SLCO2A1: variants seen among roughly 807,000 people sequenced by gnomAD.
SLCO2A1 encodes the protein solute carrier organic anion transporter family member 2A1.
A neutral mutation model predicts 71.7 loss-of-function variants in SLCO2A1; 60 were observed. That is an observed-to-expected ratio of 0.84 (90% confidence interval 0.68 to 1.04). The LOEUF (loss-of-function observed/expected upper bound fraction) is 1.04, where lower values mean the gene tolerates loss of function less well. SLCO2A1 is among the 50% of genes least tolerant of loss of function. SLCO2A1 has a pLI of 0.00. For synonymous variants in SLCO2A1, 308 were observed against 326.7 expected (o/e 0.94, Z 0.62); for missense variants, 745 against 813.4 (o/e 0.92, Z 1.02).
intron 1 of SLCO2A1, 91 bp from the exon 2 acceptor site, chr3:133,979,709 TCTGTTTC>T (rs1188891504): frequency 7.1e-7 from 1 of 1,403,710 alleles, no homozygotes; most frequent in East Asian, 2.3e-5. Context: ...CAGGCTGACC[TCTGTTTC>T]CTCGCCTGTT....
intron 6 of SLCO2A1, among the ~76,000 whole-genome samples, chr3:133,950,454 C>T (rs1422824844): frequency 1.3e-5 from 2 of 152,148 alleles, no homozygotes; most frequent in East Asian, 3.9e-4. Flanking sequence ...TGCCCTGTCC[C>T]AGCTCTCCGA....
intron 2 of SLCO2A1, among the ~76,000 whole-genome samples, chr3:133,976,484 G>A (rs1422790312): frequency 6.6e-6 from 1 of 152,164 alleles, no homozygotes; most frequent in African/African-American, 2.4e-5. Context: ...TTCTCTGTGG[G>A]AAGCTGAACC....
chr3:133,949,074 A>G (rs1025623765), intron 6 of SLCO2A1, 103 bp from the exon 7 acceptor site: 1 of 966,754 alleles, frequency 1.0e-6, no homozygotes, highest in Non-Finnish European at 1.6e-6. Flanking sequence ...GGCTGGGTGG[A>G]GGTGAGCCCC....
intron 1 of SLCO2A1, among the ~76,000 whole-genome samples, chr3:134,019,983 C>T (rs1044975557): frequency 6.6e-6 from 1 of 152,078 alleles, no homozygotes; most frequent in Non-Finnish European, 1.5e-5. Context: ...GACAGCCCGG[C>T]ACCATACCCT....
At chr3:134,009,605 A>C (rs1935289563) in intron 1 of SLCO2A1, among the ~76,000 whole-genome samples, 1 of 152,234 alleles carries the variant, frequency 6.6e-6, no homozygotes, top group Non-Finnish European at 1.5e-5. Flanking sequence ...ACGCCCATGA[A>C]GGGCGTAAAT....
chr3:134,025,393 A>T (rs528978653), intron 1 of SLCO2A1, among the ~76,000 whole-genome samples: 6 of 152,188 alleles, frequency 3.9e-5, no homozygotes, highest in Non-Finnish European at 8.8e-5. Context: ...CAGTTTTTAA[A>T]ATTAGATTGA....
intron 9 of SLCO2A1, among the ~76,000 whole-genome samples, chr3:133,945,569 A>G (rs1933553800): frequency 6.6e-6 from 1 of 152,122 alleles, no homozygotes. Flanking sequence ...CCACCCAGAA[A>G]GGGCAGCTGC....
At chr3:134,011,462 G>A (rs544461922) in intron 1 of SLCO2A1, among the ~76,000 whole-genome samples, 27 of 152,348 alleles carry the variant, frequency 1.8e-4, no homozygotes, top group East Asian at 9.6e-4. Context: ...TCAGCTGTGC[G>A]GAAGGCAGCG....
intron 1 of SLCO2A1, among the ~76,000 whole-genome samples, chr3:134,003,380 C>T (rs1935141783): frequency 1.3e-5 from 2 of 152,282 alleles, no homozygotes; most frequent in South Asian, 2.1e-4. Flanking sequence ...ACATAAGGAA[C>T]GGACATCTAC....
chr3:134,011,059 T>C (rs940822189), intron 1 of SLCO2A1, among the ~76,000 whole-genome samples: 1 of 152,222 alleles, frequency 6.6e-6, no homozygotes, highest in East Asian at 1.9e-4. Context: ...GTTTGTTTTT[T>C]GTTTTTGAGA....
intron 11 of SLCO2A1, among the ~76,000 whole-genome samples, chr3:133,938,962 C>T (rs879266701): frequency 6.6e-6 from 1 of 152,036 alleles, no homozygotes; most frequent in Non-Finnish European, 1.5e-5. Context: ...TGTCTTATAA[C>T]AGTAAAAGAC....
chr3:133,970,046 G>A (rs532719127), intron 3 of SLCO2A1, among the ~76,000 whole-genome samples: 12 of 152,320 alleles, frequency 7.9e-5, no homozygotes, highest in African/African-American at 2.9e-4. Context: ...GCTGCCTTCA[G>A]ATGTCCCCAG....
chr3:133,987,131 G>GCCCCCCCCCCCCCCCCCCCC (rs71136502), intron 1 of SLCO2A1, among the ~76,000 whole-genome samples: 3 of 105,030 alleles, frequency 2.9e-5, no homozygotes, highest in Admixed American at 1.9e-4. Context: ...AAAATTCAAA[G>GCCCCCCCCCCCCCCCCCCCC]CCCCCCCCCC....
chr3:133,943,787 C>T (rs1290108219), intron 10 of SLCO2A1, among the ~76,000 whole-genome samples: 3 of 152,228 alleles, frequency 2.0e-5, no homozygotes, highest in African/African-American at 7.2e-5. Context: ...GTCCAAGTTC[C>T]TTGTCCTTCC....
intron 3 of SLCO2A1, among the ~76,000 whole-genome samples, chr3:133,958,943 G>A (rs748012145): frequency 3.9e-5 from 6 of 152,164 alleles, no homozygotes; most frequent in Non-Finnish European, 7.3e-5. Context: ...TGTCTCATAG[G>A]CCGTGGGGTG....
chr3:133,984,656 G>A (rs574335203), intron 1 of SLCO2A1, among the ~76,000 whole-genome samples: 2 of 152,276 alleles, frequency 1.3e-5, no homozygotes. Flanking sequence ...ACTTGACACC[G>A]TGCAGATAAA....
At chr3:133,942,795 G>A (rs762738923) in intron 10 of SLCO2A1, 27 bp from the exon 11 acceptor site, 5 of 1,577,402 alleles carry the variant, frequency 3.2e-6, no homozygotes, top group Non-Finnish European at 4.3e-6. Context: ...AGGGAAAAAG[G>A]GGGAAATTTG....
chr3:134,027,267 G>A (rs561134316), intron 1 of SLCO2A1, among the ~76,000 whole-genome samples: 1 of 152,314 alleles, frequency 6.6e-6, no homozygotes, highest in Admixed American at 6.5e-5. Flanking sequence ...AGGCAGAAAT[G>A]AAATCCACAA....
At chr3:133,941,911 A>G (rs922769188) in intron 11 of SLCO2A1, among the ~76,000 whole-genome samples, 4 of 152,202 alleles carry the variant, frequency 2.6e-5, no homozygotes, top group African/African-American at 4.8e-5. Flanking sequence ...AGGCATTTCC[A>G]TGGTGTGGAG....
Sources: gnomAD v4.1 joint callset for allele counts (sites outside exome capture counted in the v4.1 genomes callset) on GRCh38, gnomAD v4.1.1 for gene constraint, MANE v1.5 for transcripts, NCBI Gene and HGNC (gene_info 2026-07-23, HGNC 2026-07-21) for gene names.